The following ATRNL1 variants were observed in gnomAD, a reference collection of about 807,000 sequenced individuals.
The protein encoded by ATRNL1 is attractin-like protein 1.
ATRNL1 carries 95 observed loss-of-function variants against 182.7 expected under a neutral mutation model. The observed-to-expected ratio is 0.52, with a 90% CI of 0.44 to 0.62. The LOEUF (loss-of-function observed/expected upper bound fraction) is 0.62, where lower values mean the gene tolerates loss of function less well. Among genes scored for constraint, ATRNL1 ranks in the 20% least tolerant of loss-of-function variants. The probability of loss-of-function intolerance (pLI) is 0.00; values close to 1 mark genes in which losing one functional copy is unlikely to be tolerated. For synonymous variants in ATRNL1, 576 were observed against 568.3 expected, an observed-to-expected ratio of 1.01 and a Z score of -0.19; for missense variants, 1,471 against 1,679.5, an observed-to-expected ratio of 0.88 and a Z score of 2.17.
chr10:115,428,069 A>C (rs1845985508), intron 21 of ATRNL1, among the ~76,000 whole-genome samples: 1 of 151,844 alleles, frequency 6.6e-6, no homozygotes, highest in Admixed American at 6.6e-5. Context: ...TTTTTTCTCA[A>C]TTCTTTAATT....
At position 115,946,678 on chromosome 10, in the gene ATRNL1, G is replaced by A. The variant is rs1953883227; in HGVS notation, c.*1899G>A. The A allele has an allele frequency of 6.6e-6, 1 of 152,106 alleles. No individual in the cohort carries two copies. The highest frequency in any genetic ancestry group is 2.4e-5 in the African/African-American group (1 of 41,496). The allele number at this position is 152,106 out of a possible 1,614,324, so 9.4% of individuals were successfully genotyped here. On this transcript the variant is annotated 3_prime_UTR_variant, in exon 29 of 29. Coordinates refer to ENST00000355044, the MANE Select transcript of ATRNL1 (RefSeq NM_207303.4). ...CTCTCTCATTAAAGGAATGAGCTAA[G>A]TTTGTAAATATCTCCTAAAAACAAT...
chr10:115,891,031 C>T (rs1952067675), intron 28 of ATRNL1, among the ~76,000 whole-genome samples: 1 of 152,026 alleles, frequency 6.6e-6, no homozygotes, highest in Non-Finnish European at 1.5e-5. Context: ...GGTGTGTGGG[C>T]AGGGGAGAGC....
chr10:115,407,122 T>C (rs1255089336), intron 20 of ATRNL1, among the ~76,000 whole-genome samples: 3 of 152,170 alleles, frequency 2.0e-5, no homozygotes, highest in Non-Finnish European at 2.9e-5. Flanking sequence ...ATTTTTAAAT[T>C]GACACGATAA....
intron 28 of ATRNL1, among the ~76,000 whole-genome samples, chr10:115,911,837 A>G (rs1952687676): frequency 6.6e-6 from 1 of 152,130 alleles, no homozygotes; most frequent in Non-Finnish European, 1.5e-5. Flanking sequence ...TCTCCCCTCA[A>G]GCCGCTGCTG....
chr10:115,611,743 A>G (rs564145066), intron 26 of ATRNL1, among the ~76,000 whole-genome samples: 1 of 152,298 alleles, frequency 6.6e-6, no homozygotes, highest in African/African-American at 2.4e-5. Flanking sequence ...CATAATTTAT[A>G]ATTTAGGATA....
chr10:115,477,475 C>A (rs1554973379), intron 24 of ATRNL1, among the ~76,000 whole-genome samples: 2 of 151,486 alleles, frequency 1.3e-5, no homozygotes, highest in South Asian at 4.1e-4. Flanking sequence ...CACTCAGGAT[C>A]TAAAAATCTT....
At chr10:115,420,319 C>G (rs1286361954) in intron 20 of ATRNL1, among the ~76,000 whole-genome samples, 2 of 152,124 alleles carry the variant, frequency 1.3e-5, no homozygotes, top group African/African-American at 4.8e-5. Context: ...GCTGGGATTA[C>G]AGGCATGAGC....
chr10:115,566,476 T>C (rs1854083230), intron 26 of ATRNL1, among the ~76,000 whole-genome samples: 1 of 152,202 alleles, frequency 6.6e-6, no homozygotes, highest in Non-Finnish European at 1.5e-5. Context: ...TCTTAGGTTA[T>C]TGATATAAGT....
chr10:115,828,084 G>A (rs150137329), intron 27 of ATRNL1, among the ~76,000 whole-genome samples: 5 of 152,094 alleles, frequency 3.3e-5, no homozygotes, highest in Non-Finnish European at 7.4e-5. Context: ...TTGGGAGACC[G>A]AGGTGGGCGG....
chr10:115,115,623 T>C (rs1485668569), intron 1 of ATRNL1, among the ~76,000 whole-genome samples: 1 of 152,096 alleles, frequency 6.6e-6, no homozygotes, highest in Non-Finnish European at 1.5e-5. Context: ...AAGATTTCTA[T>C]GTGAAAAAGG....
At chr10:115,102,432 G>A (rs890613891) in intron 1 of ATRNL1, among the ~76,000 whole-genome samples, 5 of 149,872 alleles carry the variant, frequency 3.3e-5, no homozygotes, top group Admixed American at 6.6e-5. Context: ...GTATGTATAT[G>A]TGTATATATA....
chr10:115,535,722 T>TC (rs1851943567), intron 25 of ATRNL1, among the ~76,000 whole-genome samples: 1 of 152,134 alleles, frequency 6.6e-6, no homozygotes, highest in South Asian at 2.1e-4. Flanking sequence ...CTCTGTTTTT[T>TC]CCCCATCTTT....
chr10:115,587,554 A>C (rs1230174255), intron 26 of ATRNL1, among the ~76,000 whole-genome samples: 5 of 148,140 alleles, frequency 3.4e-5, no homozygotes, highest in South Asian at 4.5e-4. Flanking sequence ...TTCTTCGACT[A>C]GGAAAGGGAA....
At chr10:115,369,006 G>A (rs960659024) in intron 19 of ATRNL1, among the ~76,000 whole-genome samples, 87 of 151,988 alleles carry the variant, frequency 5.7e-4, no homozygotes, top group African/African-American at 1.9e-3. Flanking sequence ...AAGCCACTGC[G>A]CCCAGCCGTA....
intron 27 of ATRNL1, among the ~76,000 whole-genome samples, chr10:115,744,307 G>A (rs1269541993): frequency 6.6e-6 from 1 of 152,016 alleles, no homozygotes; most frequent in Non-Finnish European, 1.5e-5. Flanking sequence ...AATGTACAGT[G>A]CTCTATACTA....
chr10:115,632,852 C>T lies in ATRNL1; in HGVS notation c.3795+83316C>T, dbSNP rs367777435. ...AATATTATAAATACAAATTCTAGGG[C>T]CTCACATTAACTTTTTATTTTATTT... On this transcript the variant is annotated intron_variant, in intron 26 of 28. Transcript: ENST00000355044. 4.8e-5 allele frequency among the ~76,000 whole-genome samples: 5 copies of T among 103,682 alleles called. 1 individual carries two copies. Among genetic ancestry groups the T allele is most frequent in the African/African-American group, 1.6e-4 (5 of 30,942 alleles). 68.0% of individuals were successfully genotyped at this position (103,682 alleles called of 152,430 possible). A position where few individuals can be genotyped will look rare whatever the true frequency, so the allele number is the denominator to read the frequency against.
intron 26 of ATRNL1, among the ~76,000 whole-genome samples, chr10:115,552,304 A>C (rs1398472147): frequency 6.6e-6 from 1 of 151,382 alleles, no homozygotes; most frequent in Non-Finnish European, 1.5e-5. Context: ...GATTAACTGT[A>C]ATATTTCCCA....
At chr10:115,673,989 A>G (rs557030926) in intron 26 of ATRNL1, among the ~76,000 whole-genome samples, 33 of 152,214 alleles carry the variant, frequency 2.2e-4, no homozygotes, top group Admixed American at 6.5e-4. Context: ...ACGAGCCAGC[A>G]CTACACTTAA....
intron 15 of ATRNL1, among the ~76,000 whole-genome samples, chr10:115,287,061 A>G (rs1285181410): frequency 6.6e-6 from 1 of 151,966 alleles, no homozygotes; most frequent in Non-Finnish European, 1.5e-5. Flanking sequence ...GGATACAGAG[A>G]GATGACTATG....
Sources: allele counts gnomAD v4.1 joint callset (sites outside exome capture counted in the v4.1 genomes callset), GRCh38; gene constraint gnomAD v4.1.1; transcripts MANE v1.5; gene names NCBI Gene and HGNC (gene_info 2026-07-23, HGNC 2026-07-21).